PHIP: variants seen among roughly 807,000 people sequenced by gnomAD.
PHIP encodes the protein PH-interacting protein.
In PHIP, 54 loss-of-function variants were observed where a neutral mutation model predicts 236.8. That is an observed-to-expected ratio of 0.23 (90% CI 0.18 to 0.29). The LOEUF (loss-of-function observed/expected upper bound fraction) is 0.29, where lower values mean the gene tolerates loss of function less well. PHIP is among the 10% of genes least tolerant of loss of function. The pLI, the probability that PHIP is intolerant of heterozygous loss-of-function variation, is 1.00. For synonymous variants in PHIP, 756 were observed against 718.9 expected (o/e 1.05, Z -0.83); for missense variants, 1,370 against 2,190.8 (o/e 0.63, Z 7.48).
At chr6:78,949,563 C>T (rs371113727) in intron 35 of PHIP, among the ~76,000 whole-genome samples, 2 of 152,102 alleles carry the variant, frequency 1.3e-5, no homozygotes, top group South Asian at 2.1e-4. Flanking sequence ...TGCAGAAACC[C>T]CAATAAAGGA....
chr6:79,034,189 T>C (rs978391018), intron 7 of PHIP, among the ~76,000 whole-genome samples: 3 of 152,198 alleles, frequency 2.0e-5, no homozygotes, highest in Non-Finnish European at 4.4e-5. Flanking sequence ...CTTGCTTTAC[T>C]CAGGGTTTTC....
intron 19 of PHIP, among the ~76,000 whole-genome samples, chr6:78,993,576 A>T (rs1769411705): frequency 6.6e-6 from 1 of 152,204 alleles, no homozygotes; most frequent in African/African-American, 2.4e-5. Flanking sequence ...TGATAAATAT[A>T]CTCATCTTGT....
chr6:78,971,940 G>A lies in PHIP; in HGVS notation c.2890-1052C>T, dbSNP rs560251483. On this transcript the variant is annotated intron_variant, in intron 24 of 39. Transcript: ENST00000275034. ...TGAGGTCAAACTGCAAGGCGGCAGC[G>A]AGGCTGGGGGAGGGGCGCCCACCAT... 5.4e-4 allele frequency among the ~76,000 whole-genome samples: 81 copies of A among 151,312 alleles called. 1 individual carries two copies. In the South Asian group the frequency reaches 0.015, roughly 29 times the overall value.
chr6:78,979,885 G>GTAA, intron 23 of PHIP, among the ~76,000 whole-genome samples: 3 of 151,984 alleles, frequency 2.0e-5, no homozygotes, highest in Admixed American at 2.0e-4. Flanking sequence ...CTTGCAATAG[G>GTAA]TAATACTACT....
At chr6:78,988,470 C>A in intron 20 of PHIP, 121 bp from the exon 21 acceptor site, 1 of 625,110 alleles carries the variant, frequency 1.6e-6, no homozygotes, top group Non-Finnish European at 2.6e-6. Context: ...TGCCTATAGT[C>A]CCAGCTACTT....
chr6:78,974,583 C>T (rs1050823466), intron 24 of PHIP, among the ~76,000 whole-genome samples: 1 of 151,974 alleles, frequency 6.6e-6, no homozygotes, highest in African/African-American at 2.4e-5. Flanking sequence ...TTAATGAATC[C>T]AGGAGCTGGT....
intron 39 of PHIP, among the ~76,000 whole-genome samples, chr6:78,942,525 C>T (rs548359909): frequency 1.2e-4 from 18 of 152,172 alleles, no homozygotes; most frequent in Non-Finnish European, 2.6e-4. Context: ...GGTTAAGAGA[C>T]TTACCAAAGG....
chr6:79,026,356 C>G (rs1390578951), intron 7 of PHIP, among the ~76,000 whole-genome samples, 192 bp from the exon 8 acceptor site: 1 of 152,018 alleles, frequency 6.6e-6, no homozygotes, highest in Non-Finnish European at 1.5e-5. Flanking sequence ...TGTGTACTCA[C>G]CAGCAAATAA....
In PHIP at chr6:79,024,168, A is replaced by G. The variant is rs186511710; in HGVS notation, c.923+1351T>C. On this transcript the variant is annotated intron_variant, in intron 9 of 39. Transcript: ENST00000275034. ...GAGCTACCATGGCCCCCAAGCTGCC[A>G]TAAGAACCACTCTACAAGAATGTTC... Among the ~76,000 whole-genome samples the G allele has an allele frequency of 2.6e-5, 4 of 152,240 alleles. No individual in the cohort carries two copies. In the South Asian group the frequency reaches 6.2e-4, roughly 24 times the overall value.
intron 6 of PHIP, among the ~76,000 whole-genome samples, chr6:79,058,280 T>G (rs1329914593): frequency 6.6e-6 from 1 of 152,048 alleles, no homozygotes. Flanking sequence ...ATATATAGGG[T>G]TCTGTACCAT....
rs1984195 is a variant in PHIP at position 78,947,674 on chromosome 6, G to A, written c.4155C>T (p.Val1385=). 0.48 allele frequency: 727,807 copies of A among 1,513,588 alleles called. 178,591 individuals carry two copies. Among genetic ancestry groups the A allele is most frequent in the East Asian group, 0.67 (29,623 of 44,120 alleles). 93.8% of individuals were successfully genotyped at this position (1,513,588 alleles called of 1,614,324 possible). ...YESPMELCKD[V]RLIFSNSKAY... Reference sequence around the variant, plus strand: ...CTTTGGAATTACTGAAAATAAGTCTGACATCTTTACATAACTCCATTGGTG... The same window carrying A: ...CTTTGGAATTACTGAAAATAAGTCTAACATCTTTACATAACTCCATTGGTG... The change falls in exon 36 of 40, where the codon GTC becomes GTT. Residue 1385 remains valine, a synonymous_variant. Coordinates refer to ENST00000275034, the MANE Select transcript of PHIP (RefSeq NM_017934.7).
At chr6:79,019,912 CATT>C (rs1771026774) in intron 9 of PHIP, among the ~76,000 whole-genome samples, 1 of 152,106 alleles carries the variant, frequency 6.6e-6, no homozygotes, top group Non-Finnish European at 1.5e-5. Context: ...AGCTCTAATA[CATT>C]TAACAATGTG....
intron 8 of PHIP, 75 bp downstream of exon 8, chr6:79,025,868 A>G: frequency 8.8e-7 from 1 of 1,136,942 alleles, no homozygotes; most frequent in Non-Finnish European, 1.3e-6. Flanking sequence ...TTAATAACCA[A>G]AAGTGACTTC....
chr6:78,980,424 T>C (rs1768437624), intron 23 of PHIP, among the ~76,000 whole-genome samples: 1 of 151,952 alleles, frequency 6.6e-6, no homozygotes, highest in African/African-American at 2.4e-5. Context: ...ATACTTATAA[T>C]CCATTAGATA....
rs1273834620 is a variant in PHIP, at chr6:79,060,491, G to A, written c.426C>T (p.Ser142=). Residue 142 remains serine, a synonymous_variant, in exon 6 of 40, where the codon AGC becomes AGT. Coordinates refer to ENST00000275034, the MANE Select transcript of PHIP (RefSeq NM_017934.7). ...CAAACAACTCACCAATGCTGGGTGG[G>A]CTACCATAGTTAACTGGTGACTCAG... The part of the protein sequence containing the change: ...RPPESPVNYG[S]PPSIADTLFS... 1 of 1,612,158 alleles carries A rather than the reference G, an allele frequency of 6.2e-7. No individual in the cohort carries two copies. Among genetic ancestry groups the A allele is most frequent in the African/African-American group, 1.3e-5 (1 of 74,822 alleles).
Position 79,001,911 on chromosome 6 carries a change from C to T in PHIP, c.1867G>A (p.Val623Ile). The T allele has an allele frequency of 3.7e-6, 6 of 1,607,652 alleles. No individual in the cohort carries two copies. The highest frequency in any genetic ancestry group is 5.1e-6 in the Non-Finnish European group (6 of 1,174,406). ...AATGAGCACCTACCTGAGGAAGTTA[C>T]TCCCATCTGAGGGATGAGTTGCTCC... The part of the protein sequence containing the change: ...REEQLIPQMG[V>I]TSSGLNQVLS... The change falls in exon 17 of 40, where the codon GTA (valine) becomes ATA (isoleucine). Residue 623 changes from valine (V) to isoleucine (I), a missense_variant. Physicochemically the swap from Val to Ile is conservative, Grantham distance 29 (BLOSUM62 3). Coordinates refer to ENST00000275034, the MANE Select transcript of PHIP (RefSeq NM_017934.7).
chr6:78,998,108 A>C (rs890240071), intron 18 of PHIP, 146 bp downstream of exon 18: 1 of 624,064 alleles, frequency 1.6e-6, no homozygotes, highest in African/African-American at 1.8e-5. Context: ...AGGTCATTAA[A>C]TATTCTTCAA....
rs1392750682 is a variant in PHIP at position 78,940,958 on chromosome 6, C to T, written c.5201G>A (p.Ser1734Asn). Residue 1734 changes from serine (S) to asparagine (N), a missense_variant, in exon 40 of 40, where the codon AGT (serine) becomes AAT (asparagine). Ser to Asn is a conservative substitution (Grantham distance 46). Transcript: ENST00000275034. Reference protein sequence around the residue: ...KLDADLLVPASVKVLRRSNRK... With the variant: ...KLDADLLVPANVKVLRRSNRK... The stretch of plus-strand genomic sequence containing the variant: ...GTTACTTCTCCTTAACACTTTGACA[C>T]TTGCAGGGACTAGGAGATCTGCATC... The T allele has an allele frequency of 6.2e-7, 1 of 1,613,910 alleles. No homozygotes were observed. The highest frequency in any genetic ancestry group is 1.3e-5 in the African/African-American group (1 of 74,926).
rs1342677697 is a variant in PHIP, at chr6:78,982,958, C to A, written c.2697G>T (p.Lys899Asn). Residue 899 changes from lysine to asparagine, a missense_variant, in exon 23 of 40, where the codon AAG (lysine) becomes AAT (asparagine). Coordinates refer to ENST00000275034, the MANE Select transcript of PHIP (RefSeq NM_017934.7). ...KQKQKQIKKE[K>N]KKVNEEKDGP... ...CATCTTTTTCTTCATTTACTTTTTT[C>A]TTTTCCTTTTTAATCTGTTTTTGCT... The A allele has an allele frequency of 2.5e-6, 4 of 1,602,828 alleles. No homozygotes were observed. Among genetic ancestry groups the A allele is most frequent in the Non-Finnish European group, 3.4e-6 (4 of 1,175,402 alleles).
Sources: allele counts gnomAD v4.1 joint callset (sites outside exome capture counted in the v4.1 genomes callset), GRCh38; gene constraint gnomAD v4.1.1; transcripts MANE v1.5; gene names NCBI Gene and HGNC (gene_info 2026-07-23, HGNC 2026-07-21).